Variants in LRP1B observed in about 807,000 individuals in gnomAD.
LRP1B encodes LDL receptor related protein 1B, also known as low-density lipoprotein receptor-related protein 1B.
LRP1B carries 217 observed loss-of-function variants against 556.6 expected under a neutral mutation model. The observed-to-expected ratio is 0.39, with a 90% CI of 0.35 to 0.44. The LOEUF is 0.44. LRP1B is among the 20% of genes least tolerant of loss of function. The pLI is 1.00. For synonymous variants in LRP1B, 2,047 were observed against 1,865.8 expected (o/e 1.10, Z -2.50); for missense variants, 5,053 against 5,620.8 (o/e 0.90, Z 3.23).
chr2:141,070,484 A>C (rs971467946), intron 7 of LRP1B, among the ~76,000 whole-genome samples: 1 of 152,010 alleles, frequency 6.6e-6, no homozygotes, highest in African/African-American at 2.4e-5. Context: ...AGCTAGCAGA[A>C]GGCAAGAAAT....
chr2:140,254,509 C>T (rs919461309), intron 86 of LRP1B, among the ~76,000 whole-genome samples: 1 of 151,874 alleles, frequency 6.6e-6, no homozygotes, highest in African/African-American at 2.4e-5. Flanking sequence ...GTTCTAGTTC[C>T]AAGATTTCTT....
intron 6 of LRP1B, among the ~76,000 whole-genome samples, chr2:141,197,621 T>G (rs1045363087): frequency 1.3e-5 from 2 of 152,092 alleles, no homozygotes; most frequent in Admixed American, 1.3e-4. Context: ...GTCTATTCAG[T>G]ATTTGAAAAA....
chr2:141,658,249 G>A (rs904119075), intron 2 of LRP1B, among the ~76,000 whole-genome samples: 1 of 152,172 alleles, frequency 6.6e-6, no homozygotes, highest in African/African-American at 2.4e-5. Context: ...ACCACATAGA[G>A]ACAATAATAA....
At chr2:141,625,422 A>T (rs1401417318) in intron 2 of LRP1B, among the ~76,000 whole-genome samples, 1 of 152,206 alleles carries the variant, frequency 6.6e-6, no homozygotes, top group African/African-American at 2.4e-5. Flanking sequence ...CAGATGAAAA[A>T]CATACTAAGG....
chr2:140,856,859 A>T (rs994181406), intron 27 of LRP1B, among the ~76,000 whole-genome samples: 1 of 152,250 alleles, frequency 6.6e-6, no homozygotes, highest in East Asian at 1.9e-4. Flanking sequence ...GCATGTACGT[A>T]AATGTATGTG....
chr2:140,739,261 TG>T (rs1001579233), intron 35 of LRP1B, among the ~76,000 whole-genome samples: 1 of 152,014 alleles, frequency 6.6e-6, no homozygotes, highest in Non-Finnish European at 1.5e-5. Flanking sequence ...TGCAGAGATT[TG>T]GGGATTTGCA....
At chr2:141,142,825 G>T (rs189172260) in intron 7 of LRP1B, among the ~76,000 whole-genome samples, 1 of 150,802 alleles carries the variant, frequency 6.6e-6, no homozygotes, top group East Asian at 2.0e-4. Flanking sequence ...ATAAAGCCAA[G>T]AACAGAACTA....
At chr2:141,137,385 C>T (rs1477674396) in intron 7 of LRP1B, among the ~76,000 whole-genome samples, 4 of 151,792 alleles carry the variant, frequency 2.6e-5, no homozygotes, top group African/African-American at 4.8e-5. Flanking sequence ...AAACAGTTTA[C>T]CAGAATTTCT....
intron 2 of LRP1B, among the ~76,000 whole-genome samples, chr2:141,539,585 A>T (rs1473680337): frequency 6.6e-6 from 1 of 152,130 alleles, no homozygotes; most frequent in African/African-American, 2.4e-5. Flanking sequence ...CCAGCTCATA[A>T]TTCAAGGATG....
At chr2:141,254,378 G>T in intron 4 of LRP1B, 144 bp downstream of exon 4, 1 of 736,974 alleles carries the variant, frequency 1.4e-6, no homozygotes, top group Non-Finnish European at 2.2e-6. Flanking sequence ...TGTTTTTGTT[G>T]GGGGGGCAAC....
rs2105396527 is a variant in LRP1B, at chr2:141,019,932, G to A, written c.1960C>T (p.Pro654Ser). 6.3e-7 allele frequency: 1 copy of A among 1,589,892 alleles called. No individual in the cohort carries two copies. Among genetic ancestry groups the A allele is most frequent in the Non-Finnish European group, 8.6e-7 (1 of 1,167,020 alleles). ...TCAAATATTGCATACCCATTAACTG[G>A]ATCCACCACAATTCCTCTGGGATGA... The part of the protein sequence containing the change: ...MSHPRGIVVD[P>S]VNGWMYWTDW... Residue 654 changes from proline (P) to serine (S), a missense_variant, in exon 12 of 91, where the codon CCA becomes TCA. By Grantham distance (74) the Pro-to-Ser change is moderately conservative. Coordinates refer to ENST00000389484, the MANE Select transcript of LRP1B (RefSeq NM_018557.3).
At chr2:141,454,042 C>G (rs1681535298) in intron 3 of LRP1B, among the ~76,000 whole-genome samples, 1 of 152,154 alleles carries the variant, frequency 6.6e-6, no homozygotes, top group East Asian at 1.9e-4. Context: ...TGCATTTCCC[C>G]ATAACATCTT....
At chr2:140,311,757 G>A (rs1051102091) in intron 83 of LRP1B, among the ~76,000 whole-genome samples, 1 of 151,848 alleles carries the variant, frequency 6.6e-6, no homozygotes, top group Admixed American at 6.6e-5. Flanking sequence ...TGTTAAGGGA[G>A]CTAGGATGCA....
chr2:140,925,148 T>C (rs1694850757), intron 20 of LRP1B, among the ~76,000 whole-genome samples: 1 of 152,164 alleles, frequency 6.6e-6, no homozygotes, highest in South Asian at 2.1e-4. Flanking sequence ...TCATTTCATA[T>C]AAGAAACTTG....
At chr2:140,376,864 G>A (rs1224880457) in intron 68 of LRP1B, among the ~76,000 whole-genome samples, 2 of 152,150 alleles carry the variant, frequency 1.3e-5, no homozygotes, top group Non-Finnish European at 1.5e-5. Flanking sequence ...GAGACCTGTA[G>A]TATCTCCCAC....
intron 1 of LRP1B, among the ~76,000 whole-genome samples, chr2:141,987,922 A>G (rs1702243671): frequency 1.3e-5 from 2 of 151,912 alleles, no homozygotes; most frequent in Admixed American, 1.3e-4. Context: ...TCATAGTCAA[A>G]TAGTCAGTTT....
intron 3 of LRP1B, among the ~76,000 whole-genome samples, chr2:141,405,529 C>T (rs1055826889): frequency 3.9e-5 from 6 of 152,058 alleles, no homozygotes; most frequent in Admixed American, 1.3e-4. Context: ...ACACACTATG[C>T]TTTTTGTAGT....
chr2:141,057,650 C>T (rs1015556705), intron 9 of LRP1B, among the ~76,000 whole-genome samples: 8 of 151,816 alleles, frequency 5.3e-5, no homozygotes, highest in Non-Finnish European at 1.0e-4. Flanking sequence ...CTGTGGCTAT[C>T]CACATAAGAT....
intron 59 of LRP1B, among the ~76,000 whole-genome samples, chr2:140,478,207 T>C (rs1198435484): frequency 1.4e-5 from 2 of 141,388 alleles, no homozygotes; most frequent in Non-Finnish European, 3.0e-5. Flanking sequence ...TGGAGTGCAG[T>C]GGTGTAATCT....
Sources: gnomAD v4.1 joint callset for allele counts (sites outside exome capture counted in the v4.1 genomes callset) on GRCh38, gnomAD v4.1.1 for gene constraint, MANE v1.5 for transcripts, NCBI Gene and HGNC (gene_info 2026-07-23, HGNC 2026-07-21) for gene names.